LY96: variants seen among roughly 807,000 people sequenced by gnomAD.
LY96 encodes the protein lymphocyte antigen 96.
Under a neutral mutation model 18.9 loss-of-function variants are expected in LY96, and 18 were observed. That is an observed-to-expected ratio of 0.95 (90% confidence interval 0.66 to 1.41). The LOEUF (loss-of-function observed/expected upper bound fraction) is 1.41, where lower values mean the gene tolerates loss of function less well. Ranked by LOEUF, LY96 falls within the 40% of genes most tolerant of loss-of-function variation. LY96 has a pLI of 0.00. For synonymous variants in LY96, 66 were observed against 62.6 expected, an observed-to-expected ratio of 1.06 and a Z score of -0.26; for missense variants, 175 against 182.4, an observed-to-expected ratio of 0.96 and a Z score of 0.23.
chr8:74,092,064 G>A, the LY96 span, among the ~76,000 whole-genome samples: 3 of 152,078 alleles, frequency 2.0e-5, no homozygotes, highest in Non-Finnish European at 4.4e-5. Context: ...TTTGCTTTGG[G>A]CCTTGCCTAA....
At chr8:74,092,703 A>G in the LY96 span, among the ~76,000 whole-genome samples, 1 of 152,128 alleles carries the variant, frequency 6.6e-6, no homozygotes, top group African/African-American at 2.4e-5. Flanking sequence ...CTTTCCCATG[A>G]CTGGCTCATG....
intron 1 of LY96, 148 bp downstream of exon 1, chr8:73,991,702 A>G: frequency 1.6e-6 from 1 of 619,810 alleles, no homozygotes. Context: ...GAAAAGCAAT[A>G]GCTGGCAGCT....
intron 2 of LY96, among the ~76,000 whole-genome samples, chr8:74,005,371 C>T (rs994232294): frequency 6.6e-6 from 1 of 152,186 alleles, no homozygotes; most frequent in Non-Finnish European, 1.5e-5. Flanking sequence ...ACTCCATCAT[C>T]TTTGCTGTGT....
intron 2 of LY96, among the ~76,000 whole-genome samples, chr8:74,005,773 T>A (rs1429086325): frequency 6.6e-6 from 1 of 152,224 alleles, no homozygotes; most frequent in East Asian, 1.9e-4. Flanking sequence ...CACAAAACTT[T>A]TTCCTCTCCT....
the LY96 span, among the ~76,000 whole-genome samples, chr8:74,056,838 AT>A: frequency 6.6e-6 from 1 of 152,062 alleles, no homozygotes; most frequent in African/African-American, 2.4e-5. Flanking sequence ...GGACAACTTG[AT>A]TTTGTCTTGT....
the LY96 span, among the ~76,000 whole-genome samples, chr8:74,089,048 G>GA: frequency 6.6e-5 from 10 of 152,308 alleles, no homozygotes; most frequent in African/African-American, 2.4e-4. Flanking sequence ...GCAGAGGAAA[G>GA]AACTGCTGGG....
the LY96 span, among the ~76,000 whole-genome samples, chr8:74,087,768 T>C: frequency 6.6e-6 from 1 of 152,312 alleles, no homozygotes; most frequent in East Asian, 1.9e-4. Context: ...TTAGATGTTG[T>C]CCTTATTTTT....
chr8:73,995,537 C>T (rs769710554), intron 1 of LY96, among the ~76,000 whole-genome samples: 1 of 152,182 alleles, frequency 6.6e-6, no homozygotes, highest in Non-Finnish European at 1.5e-5. Flanking sequence ...GGAGCCTTAA[C>T]ATGTGAATGG....
At chr8:74,051,382 T>A in the LY96 span, among the ~76,000 whole-genome samples, 1 of 152,224 alleles carries the variant, frequency 6.6e-6, no homozygotes, top group African/African-American at 2.4e-5. Flanking sequence ...GATAAAAGAC[T>A]GAGAGTAGCT....
At chr8:73,993,557 C>T (rs1403000278) in intron 1 of LY96, among the ~76,000 whole-genome samples, 3 of 152,088 alleles carry the variant, frequency 2.0e-5, no homozygotes, top group Non-Finnish European at 2.9e-5. Context: ...ATTCTCCTGC[C>T]TCAGCCTCCC....
chr8:74,098,772 A>C, the LY96 span, among the ~76,000 whole-genome samples: 1 of 152,236 alleles, frequency 6.6e-6, no homozygotes, highest in Non-Finnish European at 1.5e-5. Context: ...TAGAATAAAA[A>C]ACAATGACCC....
chr8:73,993,890 A>G (rs1368948572), intron 1 of LY96, among the ~76,000 whole-genome samples: 6 of 152,182 alleles, frequency 3.9e-5, no homozygotes, highest in Non-Finnish European at 8.8e-5. Flanking sequence ...AAAATTTCAC[A>G]TTTTAATCAT....
chr8:74,069,451 G>A, the LY96 span, among the ~76,000 whole-genome samples: 1 of 152,148 alleles, frequency 6.6e-6, no homozygotes, highest in Non-Finnish European at 1.5e-5. Flanking sequence ...CCTGTGATGG[G>A]CAGTGATATT....
At chr8:74,082,824 A>C in the LY96 span, among the ~76,000 whole-genome samples, 1 of 152,132 alleles carries the variant, frequency 6.6e-6, no homozygotes, top group African/African-American at 2.4e-5. Context: ...GCTAGGGGGA[A>C]ACTTAGCAAG....
At chr8:74,064,447 T>A in the LY96 span, among the ~76,000 whole-genome samples, 3 of 152,190 alleles carry the variant, frequency 2.0e-5, no homozygotes, top group Non-Finnish European at 4.4e-5. Flanking sequence ...CTCTATTAGA[T>A]CACAAGAGAG....
Position 74,004,709 on chromosome 8 carries a change from T to C in LY96, c.113-87T>C, listed in dbSNP as rs1020908767. ...CTTATTTTATAATTTTAATGCAAGATTCATCTTAAAAGGCTGATATTCAGA... is the reference window on the plus strand; with the variant it reads ...CTTATTTTATAATTTTAATGCAAGACTCATCTTAAAAGGCTGATATTCAGA... On this transcript the variant is annotated intron_variant, in intron 1 of 4. Transcript: ENST00000284818. 7.3e-6 allele frequency: 9 copies of C among 1,228,116 alleles called. No individual in the cohort carries two copies. The African/African-American group carries it at 1.4e-4, about 19-fold the overall frequency. The allele number at this position is 1,228,116 out of a possible 1,614,324, so 76.1% of individuals were successfully genotyped here.
At chr8:73,991,745 G>A (rs528451475) in intron 1 of LY96, among the ~76,000 whole-genome samples, 191 bp downstream of exon 1, 9 of 152,250 alleles carry the variant, frequency 5.9e-5, no homozygotes, top group African/African-American at 2.2e-4. Flanking sequence ...CACTCACAGA[G>A]CTTGTGAGTC....
intron 1 of LY96, among the ~76,000 whole-genome samples, chr8:73,993,831 G>A (rs2131249006): frequency 6.6e-6 from 1 of 152,212 alleles, no homozygotes; most frequent in African/African-American, 2.4e-5. Context: ...CTCCCACCTT[G>A]GCCTCCCAAA....
rs116539549 is a variant in LY96, at chr8:74,027,953, T to C, written c.385-1003T>C. On this transcript the variant is annotated intron_variant, in intron 4 of 4. Transcript: ENST00000284818. Reference sequence around the variant, plus strand: ...TCCTTCAGACCCCCAGTAAACTTGGTTGTGGAAGCCTGGGGAGTTTCTTCG... The same window carrying C: ...TCCTTCAGACCCCCAGTAAACTTGGCTGTGGAAGCCTGGGGAGTTTCTTCG... 1.8e-3 allele frequency among the ~76,000 whole-genome samples: 270 copies of C among 152,262 alleles called. 1 individual carries two copies. The highest frequency in any genetic ancestry group is 6.2e-3 in the African/African-American group (259 of 41,550).
Sources: gnomAD v4.1 joint callset for allele counts (sites outside exome capture counted in the v4.1 genomes callset) on GRCh38, gnomAD v4.1.1 for gene constraint, MANE v1.5 for transcripts, NCBI Gene and HGNC (gene_info 2026-07-23, HGNC 2026-07-21) for gene names.